TECPR1: variants seen among roughly 807,000 people sequenced by gnomAD.
TECPR1 encodes tectonin beta-propeller repeat containing 1, also known as tectonin beta-propeller repeat-containing protein 1.
A neutral mutation model predicts 162.4 loss-of-function variants in TECPR1; 122 were observed. The ratio of observed to expected loss-of-function variants is 0.75; its 90% CI spans 0.65 to 0.87. The LOEUF is 0.87. TECPR1 is among the 40% of genes least tolerant of loss of function. The pLI, the probability that TECPR1 is intolerant of heterozygous loss-of-function variation, is 0.00. For synonymous variants in TECPR1, 642 were observed against 670.6 expected (o/e 0.96, Z 0.66); for missense variants, 1,432 against 1,618.2 (o/e 0.88, Z 1.97).
At chr7:98,238,837 G>T (rs1344183877) in intron 8 of TECPR1, among the ~76,000 whole-genome samples, 1 of 152,202 alleles carries the variant, frequency 6.6e-6, no homozygotes, top group African/African-American at 2.4e-5. Context: ...AGGGCTGAGG[G>T]TCCTCTGGCC....
chr7:98,238,713 G>A (rs1798665650), intron 8 of TECPR1, 103 bp from the exon 9 acceptor site: 8 of 988,104 alleles, frequency 8.1e-6, no homozygotes, highest in Non-Finnish European at 1.3e-5. Context: ...TGATCCTTTG[G>A]TTCACGTCGC....
intron 16 of TECPR1, 24 bp from the exon 17 acceptor site, chr7:98,228,140 G>A (rs770687029): frequency 6.4e-7 from 1 of 1,570,798 alleles, no homozygotes; most frequent in Non-Finnish European, 8.7e-7. Flanking sequence ...TGGCTGCTGG[G>A]ACCGAGGCCA....
rs2116518238 is a variant in TECPR1 at position 98,217,279 on chromosome 7, G to C, written c.*111C>G. 4.0e-6 allele frequency: 3 copies of C among 742,182 alleles called. No individual in the cohort carries two copies. The East Asian group carries it at 8.2e-5, about 20-fold the overall frequency. The allele number at this position is 742,182 out of a possible 1,614,324, so 46.0% of individuals were successfully genotyped here. A position where few individuals can be genotyped will look rare whatever the true frequency, so the allele number is the denominator to read the frequency against. The stretch of plus-strand genomic sequence containing the variant: ...CAGCCTTGGGGCCAGGTTCCCTCCT[G>C]AGTCCACCTGGGCCACATTGCTCCC... On this transcript the variant is annotated 3_prime_UTR_variant, in exon 26 of 26. Coordinates refer to ENST00000447648, the MANE Select transcript of TECPR1 (RefSeq NM_015395.3).
chr7:98,233,366 C>T, intron 11 of TECPR1, 55 bp downstream of exon 11: 1 of 1,407,798 alleles, frequency 7.1e-7, no homozygotes, highest in East Asian at 2.7e-5. Flanking sequence ...CCACACCCCA[C>T]ACCCCCAGGG....
rs746403055 is a variant in TECPR1, at chr7:98,231,395, G to A, written c.1975-22C>T. The A allele has an allele frequency of 1.1e-4, 180 of 1,574,842 alleles. 1 individual carries two copies. The highest frequency in any genetic ancestry group is 1.1e-3 in the African/African-American group (84 of 74,004). On this transcript the variant is annotated intron_variant, in intron 13 of 25. Coordinates refer to ENST00000447648, the MANE Select transcript of TECPR1 (RefSeq NM_015395.3). ...TGTACTGTTCACAGAACAGGCGCCCGGCAGGGCTGTCACCCAGGGCAGGAG... is the reference window on the plus strand; with the variant it reads ...TGTACTGTTCACAGAACAGGCGCCCAGCAGGGCTGTCACCCAGGGCAGGAG...
At chr7:98,223,533 C>T (rs1798196774) in intron 20 of TECPR1, 129 bp downstream of exon 20, 13 of 970,222 alleles carry the variant, frequency 1.3e-5, no homozygotes, top group Admixed American at 4.7e-5. Flanking sequence ...CTACTCCCCA[C>T]TGCTTCTTCC....
chr7:98,246,554 C>T (rs1229795751), intron 2 of TECPR1, among the ~76,000 whole-genome samples: 2 of 151,920 alleles, frequency 1.3e-5, no homozygotes, highest in Non-Finnish European at 1.5e-5. Context: ...CGTGAGCCAC[C>T]GCGCGTGGCC....
Position 98,230,979 on chromosome 7 carries a change from G to C in TECPR1, c.2264C>G (p.Pro755Arg). 5 of 1,612,116 alleles carry C rather than the reference G, an allele frequency of 3.1e-6. No individual in the cohort carries two copies. The highest frequency in any genetic ancestry group is 4.2e-6 in the Non-Finnish European group (5 of 1,179,388). Residue 755 changes from proline (P) to arginine (R), a missense_variant, in exon 15 of 26, where the codon CCC becomes CGC. By Grantham distance (103) the Pro-to-Arg change is moderately radical (BLOSUM62 -2). Coordinates refer to ENST00000447648, the MANE Select transcript of TECPR1 (RefSeq NM_015395.3). ...PSPDLEAHEH[P>R]LPCDQMFWRQ... ...CACTCACATCTGGTCGCAGGGCAGGGGGTGCTCGTGGGCCTCCAGGTCTGG... is the reference window on the plus strand; with the variant it reads ...CACTCACATCTGGTCGCAGGGCAGGCGGTGCTCGTGGGCCTCCAGGTCTGG...
Position 98,229,019 on chromosome 7 carries a change from G to A in TECPR1, c.2410+20C>T, listed in dbSNP as rs919474811. The A allele has an allele frequency of 6.3e-7, 1 of 1,597,370 alleles. No homozygotes were observed. Among genetic ancestry groups the A allele is most frequent in the Admixed American group, 1.7e-5 (1 of 58,762 alleles). ...AAGAACGCCCAGGAAGGCTCCGGGG[G>A]GGCTGTGGGCCGCCCTCACCTTGGA... On this transcript the variant is annotated intron_variant, in intron 16 of 25. Coordinates refer to ENST00000447648, the MANE Select transcript of TECPR1 (RefSeq NM_015395.3).
chr7:98,238,476 T>C, intron 9 of TECPR1, 33 bp downstream of exon 9: 1 of 1,535,210 alleles, frequency 6.5e-7, no homozygotes, highest in Non-Finnish European at 8.8e-7. Context: ...CTGAGACCCC[T>C]GCTGTTTAGG....
At position 98,223,751 on chromosome 7, in the gene TECPR1, C is replaced by A. The variant is rs372516122; in HGVS notation, c.2691-33G>T. The A allele has an allele frequency of 3.4e-4, 544 of 1,612,400 alleles. 1 individual carries two copies. The highest frequency in any genetic ancestry group is 1.1e-3 in the South Asian group (104 of 91,064). On this transcript the variant is annotated intron_variant, in intron 19 of 25. Coordinates refer to ENST00000447648, the MANE Select transcript of TECPR1 (RefSeq NM_015395.3). ...GAGGAAGAAGATGAAATCAGGGCCACTTCGTGGAAGTTTCTGGAAAGGGAC... is the reference window on the plus strand; with the variant it reads ...GAGGAAGAAGATGAAATCAGGGCCAATTCGTGGAAGTTTCTGGAAAGGGAC...
chr7:98,247,894 T>A (rs940386714), intron 2 of TECPR1, among the ~76,000 whole-genome samples: 44 of 152,076 alleles, frequency 2.9e-4, no homozygotes, highest in African/African-American at 1.0e-3. Context: ...GGCTAATTTT[T>A]AAAATTTTTT....
At chr7:98,224,700 G>T in intron 19 of TECPR1, 101 bp downstream of exon 19, 1 of 1,176,102 alleles carries the variant, frequency 8.5e-7, no homozygotes, top group Non-Finnish European at 1.2e-6. Flanking sequence ...GGCCTAGGGG[G>T]CAGGGTTCAG....
chr7:98,248,661 G>A (rs1455386298), intron 2 of TECPR1, among the ~76,000 whole-genome samples: 1 of 150,528 alleles, frequency 6.6e-6, no homozygotes, highest in East Asian at 2.0e-4. Context: ...GGCCAGCATG[G>A]TGAGACTCCA....
chr7:98,242,509 T>A (rs988106202), intron 6 of TECPR1, among the ~76,000 whole-genome samples: 2 of 144,064 alleles, frequency 1.4e-5, no homozygotes, highest in African/African-American at 5.2e-5. Context: ...CATCTATCCA[T>A]ACACCCACTC....
At chr7:98,231,694 C>T (rs1376444309) in intron 13 of TECPR1, 110 bp downstream of exon 13, 4 of 1,373,800 alleles carry the variant, frequency 2.9e-6, no homozygotes, top group Admixed American at 1.9e-5. Context: ...TCCCTGGGCA[C>T]CCTCATTTCT....
Position 98,221,792 on chromosome 7 carries a change from C to T in TECPR1, c.3065-39G>A, listed in dbSNP as rs574297778. 13 of 1,572,004 alleles carry T rather than the reference C, an allele frequency of 8.3e-6. No individual in the cohort carries two copies. In the Admixed American group the frequency reaches 2.1e-4, roughly 25 times the overall value. ...GCTGACTCAGGCACGCTGCCTTCTC[C>T]TCCTTGCATGGGCCAGGTGGGGCTG... On this transcript the variant is annotated intron_variant, in intron 22 of 25. Coordinates refer to ENST00000447648, the MANE Select transcript of TECPR1 (RefSeq NM_015395.3).
intron 16 of TECPR1, chr7:98,228,363 T>C (rs2270604): frequency 0.44 from 220,713 of 496,580 alleles, 51,552 homozygotes; most frequent in East Asian, 0.74. Flanking sequence ...GTGCATTAAA[T>C]CTCCCATCCA....
chr7:98,217,113 A>C lies in TECPR1; in HGVS notation c.*277T>G. On this transcript the variant is annotated 3_prime_UTR_variant, in exon 26 of 26. Coordinates refer to ENST00000447648, the MANE Select transcript of TECPR1 (RefSeq NM_015395.3). ...AAGGCAGAAGGGAGAGGGGAAGGGA[A>C]GGGTGGGAGGGGCCTCTGGGAGGTG... is the stretch of plus-strand genomic sequence containing the variant. 1.4e-5 allele frequency: 5 copies of C among 349,700 alleles called. No individual in the cohort carries two copies. Among genetic ancestry groups the C allele is most frequent in the East Asian group, 4.8e-5 (1 of 20,994 alleles). The allele number at this position is 349,700 out of a possible 1,614,324, so 21.7% of individuals were successfully genotyped here.
Sources: gnomAD v4.1 joint callset for allele counts (sites outside exome capture counted in the v4.1 genomes callset) on GRCh38, gnomAD v4.1.1 for gene constraint, MANE v1.5 for transcripts, NCBI Gene and HGNC (gene_info 2026-07-23, HGNC 2026-07-21) for gene names.